The following SFXN5 variants were observed in gnomAD, a reference collection of about 807,000 sequenced individuals.
SFXN5 encodes sideroflexin-5.
SFXN5 carries 43 observed loss-of-function variants against 50.2 expected under a neutral mutation model. The observed-to-expected ratio is 0.86, with a 90% CI of 0.67 to 1.11. The LOEUF (loss-of-function observed/expected upper bound fraction) is 1.11, where lower values mean the gene tolerates loss of function less well. Among genes scored for constraint, SFXN5 ranks in the 50% least tolerant of loss-of-function variants. The pLI is 0.00. For missense variants in SFXN5, 463 were observed against 454.1 expected (o/e 1.02, Z -0.18); for synonymous variants, 203 against 185.8 (o/e 1.09, Z -0.75).
At chr2:73,055,461 C>G (rs1681959783) in intron 2 of SFXN5, among the ~76,000 whole-genome samples, 1 of 152,190 alleles carries the variant, frequency 6.6e-6, no homozygotes, top group Non-Finnish European at 1.5e-5. Context: ...TAAGTTAATG[C>G]ATGTAAAATG....
At chr2:72,976,307 A>C (rs1262936884) in intron 10 of SFXN5, among the ~76,000 whole-genome samples, 2 of 152,124 alleles carry the variant, frequency 1.3e-5, no homozygotes, top group African/African-American at 4.8e-5. Context: ...AAAAAAAAAA[A>C]CTGCCAAACT....
chr2:72,948,644 C>T (rs755046503), intron 13 of SFXN5, among the ~76,000 whole-genome samples: 4 of 152,214 alleles, frequency 2.6e-5, no homozygotes, highest in South Asian at 2.1e-4. Flanking sequence ...CATGCTGGCC[C>T]GGGGGAGACC....
intron 12 of SFXN5, among the ~76,000 whole-genome samples, chr2:72,965,840 CT>C (rs1192944172): frequency 2.6e-5 from 4 of 152,220 alleles, no homozygotes; most frequent in Non-Finnish European, 5.9e-5. Flanking sequence ...CCAGCAAATT[CT>C]TGCAGGACAG....
intron 10 of SFXN5, 23 bp downstream of exon 10, chr2:72,988,235 T>TC: frequency 6.2e-7 from 1 of 1,602,870 alleles, no homozygotes; most frequent in Non-Finnish European, 8.5e-7. Flanking sequence ...ACAGCACACA[T>TC]CTATGTGGTG....
intron 3 of SFXN5, among the ~76,000 whole-genome samples, chr2:73,030,562 G>A (rs762723662): frequency 2.2e-4 from 34 of 152,014 alleles, no homozygotes; most frequent in South Asian, 1.5e-3. Context: ...CATTCAAATC[G>A]TGGGCAGCCA....
intron 12 of SFXN5, among the ~76,000 whole-genome samples, chr2:72,966,076 G>A (rs1352758035): frequency 2.0e-5 from 3 of 152,158 alleles, no homozygotes; most frequent in Admixed American, 2.0e-4. Flanking sequence ...AGGGTGGAGC[G>A]CTCCCAGGCT....
chr2:73,014,825 T>A (rs1196702716), intron 6 of SFXN5, among the ~76,000 whole-genome samples: 1 of 152,220 alleles, frequency 6.6e-6, no homozygotes, highest in Non-Finnish European at 1.5e-5. Flanking sequence ...TTTATAGGCA[T>A]ACAAAATTTT....
At chr2:72,999,268 G>A (rs916722938) in intron 8 of SFXN5, among the ~76,000 whole-genome samples, 3 of 152,186 alleles carry the variant, frequency 2.0e-5, no homozygotes, top group African/African-American at 7.2e-5. Flanking sequence ...AAAGGTCACT[G>A]GCAGACAGTG....
rs200814339 is a variant in SFXN5, at chr2:73,013,665, CCT to C, written c.357+6572_357+6573del. ...CATAAAAATAGAGATGTGAATAATA[CCT>C]CTCTCGATATATTTATATATTTTTA... On this transcript the variant is annotated intron_variant, in intron 6 of 13. Transcript: ENST00000272433. 3.8e-3 allele frequency among the ~76,000 whole-genome samples: 581 copies of C among 152,004 alleles called. 7 individuals are homozygous for C. The highest frequency in any genetic ancestry group is 0.011 in the African/African-American group (470 of 41,460).
At chr2:72,968,168 C>CACACA (rs1281089115) in intron 12 of SFXN5, among the ~76,000 whole-genome samples, 1 of 144,360 alleles carries the variant, frequency 6.9e-6, no homozygotes, top group African/African-American at 2.6e-5. Flanking sequence ...CACACACACA[C>CACACA]AACTGCCAGC....
At chr2:73,045,083 G>A (rs1246062136) in intron 2 of SFXN5, among the ~76,000 whole-genome samples, 3 of 152,234 alleles carry the variant, frequency 2.0e-5, no homozygotes, top group African/African-American at 7.2e-5. Context: ...GTTCACAGGA[G>A]ATATGGATAA....
intron 13 of SFXN5, chr2:72,957,146 C>CA (rs747575754): frequency 2.2e-6 from 1 of 450,156 alleles, no homozygotes; most frequent in Admixed American, 2.4e-5. Context: ...AACTCCCCCC[C>CA]ATACACTGAA....
chr2:72,960,599 G>A lies in SFXN5; in HGVS notation c.945+532C>T, dbSNP rs1673612602. Among the ~76,000 whole-genome samples, 2 of 152,058 alleles carry A rather than the reference G, an allele frequency of 1.3e-5. No homozygotes were observed. Among genetic ancestry groups the A allele is most frequent in the Admixed American group, 1.3e-4 (2 of 15,266 alleles). On this transcript the variant is annotated intron_variant, in intron 13 of 13. Transcript: ENST00000272433. This position sits in a 1 kb window ranked among gnomAD's most constrained non-coding sequence, Gnocchi z 6.1. ...GTGGTCTGCCCTGCACAGCCCTTAG[G>A]AGGACATTCACCCTCTCTGTTCTGG...
intron 9 of SFXN5, among the ~76,000 whole-genome samples, chr2:72,989,138 C>T (rs1487011265): frequency 1.2e-4 from 18 of 152,180 alleles, no homozygotes; most frequent in Admixed American, 1.2e-3. Flanking sequence ...ACCTCACTTC[C>T]CCTCTCCCCC....
At chr2:73,003,734 C>T (rs771972732) in intron 6 of SFXN5, among the ~76,000 whole-genome samples, 1 of 152,178 alleles carries the variant, frequency 6.6e-6, no homozygotes, top group African/African-American at 2.4e-5. Flanking sequence ...TCTTTAGTGG[C>T]AAGCATTTTT....
rs764987661 is a variant in SFXN5 at position 72,961,727 on chromosome 2, C to T, written c.828-479G>A. ...GACAAAGCACATACATATGGGCACA[C>T]GCCAGCCAGGAGGGGGTGATCCTCC... On this transcript the variant is annotated intron_variant, in intron 12 of 13. Transcript: ENST00000272433. This position sits in a 1 kb window ranked among gnomAD's most constrained non-coding sequence, Gnocchi z 4.4. 2.6e-5 allele frequency among the ~76,000 whole-genome samples: 4 copies of T among 152,194 alleles called. No individual in the cohort carries two copies. Among genetic ancestry groups the T allele is most frequent in the African/African-American group, 7.2e-5 (3 of 41,442 alleles).
chr2:72,954,907 G>C (rs1029822999), intron 13 of SFXN5, among the ~76,000 whole-genome samples: 1 of 152,208 alleles, frequency 6.6e-6, no homozygotes, highest in African/African-American at 2.4e-5. Flanking sequence ...GAGAAACTTG[G>C]TTCTTACAGG....
chr2:73,069,767 T>C (rs1683441327), intron 1 of SFXN5, among the ~76,000 whole-genome samples: 1 of 151,234 alleles, frequency 6.6e-6, no homozygotes, highest in Non-Finnish European at 1.5e-5. Flanking sequence ...GTCTGTTAGG[T>C]CACTGAATGT....
chr2:73,039,338 TGA>T (rs1456654901), intron 3 of SFXN5, among the ~76,000 whole-genome samples: 1 of 151,910 alleles, frequency 6.6e-6, no homozygotes, highest in Admixed American at 6.6e-5. Context: ...ACAGTGAGAG[TGA>T]GAGATGGTAC....
Sources: gnomAD v4.1 joint callset for allele counts (sites outside exome capture counted in the v4.1 genomes callset) on GRCh38, gnomAD v4.1.1 for gene constraint, Gnocchi (gnomAD v3.1) non-coding constraint, MANE v1.5 for transcripts, NCBI Gene and HGNC (gene_info 2026-07-23, HGNC 2026-07-21) for gene names.